Variants in RPSA2 observed in about 807,000 individuals in gnomAD.
RPSA2 encodes small ribosomal subunit protein uS2B.
chr19:23,845,891 A>G, the RPSA2 span, among the ~76,000 whole-genome samples: 1 of 152,192 alleles, frequency 6.6e-6, no homozygotes. Context: ...ATATCAATTC[A>G]TAATTTTATT....
chr19:23,832,016 C>A, the RPSA2 span: 2 of 426,558 alleles, frequency 4.7e-6, no homozygotes, highest in African/African-American at 2.1e-5. Flanking sequence ...TCAATCCTTA[C>A]TAATAATAAG....
chr19:23,838,036 C>T, the RPSA2 span, among the ~76,000 whole-genome samples: 148,952 of 152,278 alleles, frequency 0.98, 72,943 homozygotes, highest in Middle Eastern at 1. Context: ...TCAGAGGGAA[C>T]GCTTTTAACT....
chr19:23,829,381 A>C, the RPSA2 span, among the ~76,000 whole-genome samples: 1 of 152,274 alleles, frequency 6.6e-6, no homozygotes, highest in South Asian at 2.1e-4. Flanking sequence ...GGCTCACCGC[A>C]ATCTCCGCCT....
the RPSA2 span, among the ~76,000 whole-genome samples, chr19:23,835,410 A>G: frequency 3.3e-5 from 5 of 152,244 alleles, no homozygotes; most frequent in East Asian, 7.7e-4. Flanking sequence ...AACAAAATAA[A>G]TCATTTTAAT....
chr19:23,795,002 T>C, the RPSA2 span, among the ~76,000 whole-genome samples: 7 of 152,172 alleles, frequency 4.6e-5, no homozygotes. Context: ...TGGCATTATT[T>C]CTGGGCTCCC....
chr19:23,838,835 C>T, the RPSA2 span, among the ~76,000 whole-genome samples: 6 of 152,184 alleles, frequency 3.9e-5, no homozygotes, highest in African/African-American at 1.4e-4. Context: ...TGGATTTTCT[C>T]TCTTCTTGAT....
chr19:23,798,854 AGCTC>A, the RPSA2 span: 1 of 422 alleles, frequency 2.4e-3, no homozygotes, highest in Admixed American at 0.062. Flanking sequence ...AAACTGTAGT[AGCTC>A]TCCAGTTAGC....
chr19:23,800,372 G>A, the RPSA2 span, among the ~76,000 whole-genome samples: 3 of 151,884 alleles, frequency 2.0e-5, no homozygotes, highest in African/African-American at 7.3e-5. Context: ...TTTCTCTGGG[G>A]CTGAAGAGAA....
At chr19:23,836,702 G>C in the RPSA2 span, among the ~76,000 whole-genome samples, 1 of 152,044 alleles carries the variant, frequency 6.6e-6, no homozygotes, top group Non-Finnish European at 1.5e-5. Context: ...TTTTGATTAC[G>C]GCCATTCCTG....
the RPSA2 span, chr19:23,823,829 A>T: frequency 1.3e-5 from 2 of 152,492 alleles, no homozygotes; most frequent in Admixed American, 1.3e-4. Context: ...GTTGTGGGAT[A>T]GCTGATCCCT....
chr19:23,854,222 G>T, the RPSA2 span, among the ~76,000 whole-genome samples: 2 of 152,184 alleles, frequency 1.3e-5, no homozygotes, highest in African/African-American at 4.8e-5. Context: ...GATTCCTTTA[G>T]CAGAGGTGGA....
At chr19:23,794,947 A>G in the RPSA2 span, among the ~76,000 whole-genome samples, 1 of 152,152 alleles carries the variant, frequency 6.6e-6, no homozygotes, top group African/African-American at 2.4e-5. Context: ...TTCTTTCCAC[A>G]TTTCTATTGT....
the RPSA2 span, among the ~76,000 whole-genome samples, chr19:23,761,926 T>TCTCTCTCTCTCTCTCTCTC: frequency 1.4e-4 from 18 of 124,834 alleles, no homozygotes; most frequent in Admixed American, 3.7e-4. Flanking sequence ...CTTTCTTTTT[T>TCTCTCTCTCTCTCTCTCTC]TTTTTTTTTG....
At chr19:23,791,462 C>T in the RPSA2 span, among the ~76,000 whole-genome samples, 15 of 152,144 alleles carry the variant, frequency 9.9e-5, no homozygotes, top group East Asian at 5.8e-4. Flanking sequence ...AGTACAAATC[C>T]GGGGACTAGA....
chr19:23,821,351 T>C, the RPSA2 span, among the ~76,000 whole-genome samples: 2 of 152,350 alleles, frequency 1.3e-5, no homozygotes, highest in African/African-American at 4.8e-5. Flanking sequence ...GAGTTAGGAC[T>C]CCTATAGCCA....
the RPSA2 span, among the ~76,000 whole-genome samples, chr19:23,770,800 C>G: frequency 6.6e-6 from 1 of 152,048 alleles, no homozygotes; most frequent in Non-Finnish European, 1.5e-5. Context: ...AATCAAGCAC[C>G]CATGTGTGGG....
chr19:23,761,770 T>G, the RPSA2 span, among the ~76,000 whole-genome samples: 1 of 151,640 alleles, frequency 6.6e-6, no homozygotes, highest in African/African-American at 2.4e-5. Flanking sequence ...TTAGTGAGAG[T>G]AATCCAGTGA....
the RPSA2 span, among the ~76,000 whole-genome samples, chr19:23,870,096 G>A: frequency 6.6e-6 from 1 of 152,156 alleles, no homozygotes; most frequent in African/African-American, 2.4e-5. Flanking sequence ...CCCCTGTTTG[G>A]CACTTTGTGA....
At chr19:23,833,160 T>C in the RPSA2 span, 76 of 1,195,172 alleles carry the variant, frequency 6.4e-5, 2 homozygotes, top group Middle Eastern at 7.2e-4. Flanking sequence ...AATGTGCCAA[T>C]GCCTTTTCCT....
Sources: allele counts gnomAD v4.1 joint callset (sites outside exome capture counted in the v4.1 genomes callset), GRCh38; gene constraint gnomAD v4.1.1; transcripts MANE v1.5; gene names NCBI Gene and HGNC (gene_info 2026-07-23, HGNC 2026-07-21).